The following RGS6 variants were observed in gnomAD, a reference collection of about 807,000 sequenced individuals.
The protein encoded by RGS6 is regulator of G-protein signaling 6.
RGS6 carries 30 observed loss-of-function variants against 78.5 expected under a neutral mutation model. The ratio of observed to expected loss-of-function variants is 0.38; its 90% CI spans 0.29 to 0.52. RGS6 has a LOEUF of 0.52. Ranked by LOEUF, RGS6 falls within the 20% of genes least tolerant of loss-of-function variation. RGS6 has a pLI of 0.85. For synonymous variants in RGS6, 206 were observed against 206.0 expected (o/e 1.00, Z 0.00); for missense variants, 495 against 609.7 (o/e 0.81, Z 1.98).
chr14:72,040,356 A>G (rs1273168876), intron 2 of RGS6, among the ~76,000 whole-genome samples: 2 of 149,082 alleles, frequency 1.3e-5, no homozygotes, highest in African/African-American at 2.5e-5. Flanking sequence ...TTTCTCCTTC[A>G]TTTTTGAGTG....
At chr14:72,350,146 T>C (rs553620469) in intron 2 of RGS6, among the ~76,000 whole-genome samples, 1 of 152,300 alleles carries the variant, frequency 6.6e-6, no homozygotes, top group South Asian at 2.1e-4. Flanking sequence ...CTTCAGAGAA[T>C]GATTGTCTTT....
chr14:72,223,014 A>C (rs1423816503), intron 2 of RGS6, among the ~76,000 whole-genome samples: 2 of 152,184 alleles, frequency 1.3e-5, no homozygotes, highest in Non-Finnish European at 1.5e-5. Flanking sequence ...AATTATAACA[A>C]ATTTTGTGTT....
chr14:72,596,142 C>T, the RGS6 span, among the ~76,000 whole-genome samples: 1 of 152,158 alleles, frequency 6.6e-6, no homozygotes, highest in African/African-American at 2.4e-5. Context: ...TTCCGAAGCC[C>T]CTAAAGTCAA....
At chr14:72,338,476 G>A (rs117325550) in intron 2 of RGS6, among the ~76,000 whole-genome samples, 25 of 152,198 alleles carry the variant, frequency 1.6e-4, no homozygotes, top group Non-Finnish European at 3.2e-4. Context: ...CTCTCCACTA[G>A]GTCCTCCCGT....
chr14:72,595,505 A>G, the RGS6 span, among the ~76,000 whole-genome samples: 1 of 151,930 alleles, frequency 6.6e-6, no homozygotes, highest in Admixed American at 6.5e-5. Flanking sequence ...CCCCAGGAAT[A>G]CAATGCCAAA....
chr14:72,360,414 C>T (rs562027292), intron 3 of RGS6, among the ~76,000 whole-genome samples: 22 of 151,760 alleles, frequency 1.4e-4, no homozygotes, highest in Admixed American at 1.4e-3. Context: ...CCCAGCTACT[C>T]GGGAGGCTGA....
At chr14:72,303,869 A>T (rs1053603234) in intron 2 of RGS6, among the ~76,000 whole-genome samples, 1 of 152,164 alleles carries the variant, frequency 6.6e-6, no homozygotes, top group African/African-American at 2.4e-5. Context: ...TCATTTCTCT[A>T]TTGTAAGACT....
chr14:72,629,566 CT>C, the RGS6 span: 2 of 1,479,740 alleles, frequency 1.4e-6, no homozygotes, highest in Non-Finnish European at 1.8e-6. Context: ...CTCTTCACCC[CT>C]CAAAGGACCC....
the RGS6 span, among the ~76,000 whole-genome samples, chr14:72,614,611 G>A: frequency 1.3e-5 from 2 of 151,952 alleles, no homozygotes; most frequent in Admixed American, 1.3e-4. Flanking sequence ...CTCCCCAGCT[G>A]GGTGAGGGGC....
At chr14:72,306,240 A>C (rs1311650180) in intron 2 of RGS6, among the ~76,000 whole-genome samples, 1 of 152,218 alleles carries the variant, frequency 6.6e-6, no homozygotes, top group Non-Finnish European at 1.5e-5. Flanking sequence ...CTGCTCAAAA[A>C]CAAAGATTCC....
chr14:72,180,374 G>A (rs1290164366), intron 2 of RGS6, among the ~76,000 whole-genome samples: 1 of 152,198 alleles, frequency 6.6e-6, no homozygotes, highest in Non-Finnish European at 1.5e-5. Context: ...ATCAATGTTT[G>A]TGTAATTGAA....
intron 11 of RGS6, among the ~76,000 whole-genome samples, chr14:72,477,589 G>A (rs2096270229): frequency 1.3e-5 from 2 of 151,962 alleles, no homozygotes; most frequent in South Asian, 4.2e-4. Context: ...GAGGTAAGGA[G>A]TTTGAGACCA....
At chr14:72,577,915 GAAGT>G in the RGS6 span, among the ~76,000 whole-genome samples, 1 of 152,228 alleles carries the variant, frequency 6.6e-6, no homozygotes, top group Non-Finnish European at 1.5e-5. Context: ...AGGAAGATCA[GAAGT>G]AAGACTCCTA....
chr14:72,534,987 C>A (rs1257612788), intron 15 of RGS6, among the ~76,000 whole-genome samples: 1 of 152,204 alleles, frequency 6.6e-6, no homozygotes, highest in Non-Finnish European at 1.5e-5. Flanking sequence ...CCAGTGAAGG[C>A]CAACCTCCCT....
chr14:72,489,644 A>G (rs1422471246), intron 12 of RGS6, among the ~76,000 whole-genome samples: 1 of 152,236 alleles, frequency 6.6e-6, no homozygotes, highest in East Asian at 1.9e-4. Context: ...AGACAAAGAC[A>G]GAGATGAAAG....
chr14:72,239,390 G>T (rs113317560), intron 2 of RGS6, among the ~76,000 whole-genome samples: 1 of 152,124 alleles, frequency 6.6e-6, no homozygotes, highest in Admixed American at 6.5e-5. Flanking sequence ...TGGAGCCTGC[G>T]TTTGATTAAC....
intron 3 of RGS6, among the ~76,000 whole-genome samples, chr14:72,370,473 G>A (rs2083277103): frequency 6.6e-6 from 1 of 152,214 alleles, no homozygotes. Context: ...GGCTGTGTCA[G>A]GTTTGGGTCA....
At chr14:71,898,966 T>C in the RGS6 span, among the ~76,000 whole-genome samples, 1 of 152,214 alleles carries the variant, frequency 6.6e-6, no homozygotes, top group Non-Finnish European at 1.5e-5. Context: ...AATGCTGTGA[T>C]GAACTCTCTC....
At chr14:72,284,371 G>A (rs2062120538) in intron 2 of RGS6, among the ~76,000 whole-genome samples, 1 of 151,692 alleles carries the variant, frequency 6.6e-6, no homozygotes. Flanking sequence ...CCCCCCACCT[G>A]CTATGTGCAG....
Sources: allele counts gnomAD v4.1 joint callset (sites outside exome capture counted in the v4.1 genomes callset), GRCh38; gene constraint gnomAD v4.1.1; transcripts MANE v1.5; gene names NCBI Gene and HGNC (gene_info 2026-07-23, HGNC 2026-07-21).